The following CDC25A variants were observed in gnomAD, a reference collection of about 807,000 sequenced individuals.
CDC25A encodes cell division cycle 25A.
Under a neutral mutation model 64.6 loss-of-function variants are expected in CDC25A, and 17 were observed. That is an observed-to-expected ratio of 0.26 (90% CI 0.18 to 0.39). The LOEUF (loss-of-function observed/expected upper bound fraction) is 0.39. Among genes scored for constraint, CDC25A ranks in the 10% least tolerant of loss-of-function variants. The pLI is 1.00. For synonymous variants in CDC25A, 229 were observed against 238.6 expected (o/e 0.96, Z 0.37); for missense variants, 473 against 654.8 (o/e 0.72, Z 3.03).
At chr3:48,163,627 A>C (rs1186095074) in intron 13 of CDC25A, among the ~76,000 whole-genome samples, 1 of 152,214 alleles carries the variant, frequency 6.6e-6, no homozygotes, top group Non-Finnish European at 1.5e-5. Context: ...GAAATTTTTT[A>C]ATTTAAAAAT....
At chr3:48,177,219 G>C in intron 8 of CDC25A, 152 bp downstream of exon 8, 1 of 633,958 alleles carries the variant, frequency 1.6e-6, no homozygotes, top group South Asian at 2.0e-5. Flanking sequence ...ATGACTAAAG[G>C]TCATAATTTG....
chr3:48,157,372 T>G lies in CDC25A; in HGVS notation c.*1573A>C, dbSNP rs967263433. On this transcript the variant is annotated 3_prime_UTR_variant, in exon 15 of 15. Transcript: ENST00000302506. The stretch of plus-strand genomic sequence containing the variant: ...GTAGGAAGAAGTCCTCTCCCCCACA[T>G]TTTTCCCAACAAGATTGTTTTATAG... 2.0e-5 allele frequency: 3 copies of G among 152,508 alleles called. No individual in the cohort carries two copies. The highest frequency in any genetic ancestry group is 4.4e-5 in the Non-Finnish European group (3 of 68,020). 9.4% of individuals were successfully genotyped at this position (152,508 alleles called of 1,614,324 possible). A position where few individuals can be genotyped will look rare whatever the true frequency, so the allele number is the denominator to read the frequency against.
rs368247484 is a variant in CDC25A at position 48,172,148 on chromosome 3, C to T, written c.930+2136G>A. Among the ~76,000 whole-genome samples, 6 of 152,050 alleles carry T rather than the reference C, an allele frequency of 3.9e-5. No homozygotes were observed. The East Asian group carries it at 7.8e-4, about 20-fold the overall frequency. On this transcript the variant is annotated intron_variant, in intron 9 of 14. Coordinates refer to ENST00000302506, the MANE Select transcript of CDC25A (RefSeq NM_001789.3). ...TAGTGCACTCCAGCCTGAGTGACAG[C>T]GCTAGACCCTGTGCCCCCCACAAAC...
chr3:48,187,479 C>CT (rs1334055478), intron 1 of CDC25A, among the ~76,000 whole-genome samples: 2 of 152,234 alleles, frequency 1.3e-5, no homozygotes, highest in East Asian at 3.8e-4. Context: ...TTCCAAAGAG[C>CT]TTCCAGGGAT....
intron 2 of CDC25A, among the ~76,000 whole-genome samples, chr3:48,185,229 A>G (rs1375359850): frequency 6.6e-6 from 1 of 152,028 alleles, no homozygotes; most frequent in East Asian, 1.9e-4. Flanking sequence ...CTGGGGCAAC[A>G]TAGTGAGACT....
At chr3:48,181,841 C>T (rs2032682757) in intron 5 of CDC25A, 2 of 591,486 alleles carry the variant, frequency 3.4e-6, no homozygotes, top group Admixed American at 6.0e-5. Context: ...ATTTCTATGC[C>T]AACACAGTAC....
Position 48,183,040 on chromosome 3 carries a change from T to TA in CDC25A, c.328-11dup. On this transcript the variant is annotated splice_polypyrimidine_tract_variant and intron_variant, in intron 4 of 14. Coordinates refer to ENST00000302506, the MANE Select transcript of CDC25A (RefSeq NM_001789.3). ...ATCCCAACAGCTTCTGCTATCAAAG[T>TA]AAAAAAGGAAAATAATTAAGGCACA... is the stretch of plus-strand genomic sequence containing the variant. The TA allele has an allele frequency of 6.3e-7, 1 of 1,579,048 alleles. No individual in the cohort carries two copies. The highest frequency in any genetic ancestry group is 2.2e-5 in the East Asian group (1 of 44,666).
rs551090729 is a variant in CDC25A at position 48,167,107 on chromosome 3, A to G, written c.1029+739T>C. Among the ~76,000 whole-genome samples the G allele has an allele frequency of 5.3e-5, 8 of 152,302 alleles. No individual in the cohort carries two copies. In the South Asian group the frequency reaches 1.7e-3, roughly 32 times the overall value. On this transcript the variant is annotated intron_variant, in intron 10 of 14. Transcript: ENST00000302506. The stretch of plus-strand genomic sequence containing the variant: ...ATGCTGTTTATGTTTACACCTCACT[A>G]AAATTTATTTCAGTCTACCATGTGG...
chr3:48,174,626 T>G (rs551027361), intron 8 of CDC25A, 169 bp from the exon 9 acceptor site: 32 of 602,002 alleles, frequency 5.3e-5, no homozygotes, highest in Non-Finnish European at 8.4e-5. Flanking sequence ...GCCTGGCACA[T>G]AGTAGGCACT....
intron 10 of CDC25A, among the ~76,000 whole-genome samples, chr3:48,167,309 C>T (rs1444254287): frequency 6.6e-6 from 1 of 152,200 alleles, no homozygotes; most frequent in African/African-American, 2.4e-5. Context: ...AAAGAAGCTG[C>T]TATTGACACA....
intron 3 of CDC25A, among the ~76,000 whole-genome samples, chr3:48,184,371 A>G (rs886672904): frequency 1.2e-4 from 19 of 152,056 alleles, no homozygotes; most frequent in Non-Finnish European, 1.2e-4. Flanking sequence ...AAACAAACAA[A>G]CAAAAAAACC....
chr3:48,167,166 A>G (rs143323252), intron 10 of CDC25A, among the ~76,000 whole-genome samples: 7 of 152,342 alleles, frequency 4.6e-5, no homozygotes, highest in African/African-American at 1.7e-4. Context: ...CTCCAACCAC[A>G]TGCTAAATTC....
rs202026442 is a variant in CDC25A, at chr3:48,167,907, T to C, written c.968A>G (p.Lys323Arg). 1,278 of 1,610,528 alleles carry C rather than the reference T, an allele frequency of 7.9e-4. 7 individuals are homozygous for C. The South Asian group carries it at 0.01, about 13-fold the overall frequency. The change falls in exon 10 of 15, where the codon AAA becomes AGA. Residue 323 changes from lysine to arginine, a missense_variant. By Grantham distance (26) the Lys-to-Arg change is conservative. Coordinates refer to ENST00000302506, the MANE Select transcript of CDC25A (RefSeq NM_001789.3). Reference sequence around the variant, plus strand: ...GTCCAAAATGTTCTCAATGGTTCCTTTGGGGGAAGATGCCAGGGATAAAGA... The same window carrying C: ...GTCCAAAATGTTCTCAATGGTTCCTCTGGGGGAAGATGCCAGGGATAAAGA... ...HQSLSLASSP[K>R]GTIENILDND...
At chr3:48,178,555 A>C (rs1315497918) in intron 6 of CDC25A, among the ~76,000 whole-genome samples, 2 of 152,236 alleles carry the variant, frequency 1.3e-5, no homozygotes, top group African/African-American at 4.8e-5. Context: ...CTTTATACAT[A>C]TAATCCAATA....
chr3:48,168,610 T>C (rs1441633250), intron 9 of CDC25A, among the ~76,000 whole-genome samples: 1 of 149,954 alleles, frequency 6.7e-6, no homozygotes, highest in Non-Finnish European at 1.5e-5. Context: ...TTAGAAAAAG[T>C]ATGTCTTAAC....
At chr3:48,160,944 G>T (rs1575257414) in intron 13 of CDC25A, among the ~76,000 whole-genome samples, 1 of 151,564 alleles carries the variant, frequency 6.6e-6, no homozygotes, top group Non-Finnish European at 1.5e-5. Flanking sequence ...ACGAGGTCAG[G>T]AGTTCGAGAC....
At position 48,180,855 on chromosome 3, in the gene CDC25A, T is replaced by TGA. The variant is rs1559963462; in HGVS notation, c.430-17_430-16dup. On this transcript the variant is annotated splice_polypyrimidine_tract_variant and intron_variant, in intron 5 of 14. Coordinates refer to ENST00000302506, the MANE Select transcript of CDC25A (RefSeq NM_001789.3). The stretch of plus-strand genomic sequence containing the variant: ...TCAAAGGCTTCCTGCAAGACATAGT[T>TGA]GAGACATCTACTGTCCATGAAAACC... 6.2e-7 allele frequency: 1 copy of TGA among 1,613,562 alleles called. No homozygotes were observed. Among genetic ancestry groups the TGA allele is most frequent in the African/African-American group, 1.3e-5 (1 of 74,916 alleles).
At chr3:48,164,212 C>T (rs1409753887) in intron 13 of CDC25A, 95 bp downstream of exon 13, 1 of 1,239,150 alleles carries the variant, frequency 8.1e-7, no homozygotes, top group Non-Finnish European at 1.1e-6. Context: ...GCTTGATATG[C>T]TAAAATATGC....
At chr3:48,186,539 A>G (rs550069955) in intron 2 of CDC25A, among the ~76,000 whole-genome samples, 164 bp downstream of exon 2, 39 of 151,444 alleles carry the variant, frequency 2.6e-4, no homozygotes, top group African/African-American at 9.0e-4. Flanking sequence ...ATTGCACTCC[A>G]GCCTGGGCGA....
Sources: allele counts gnomAD v4.1 joint callset (sites outside exome capture counted in the v4.1 genomes callset), GRCh38; gene constraint gnomAD v4.1.1; transcripts MANE v1.5; gene names NCBI Gene and HGNC (gene_info 2026-07-23, HGNC 2026-07-21).